IGSF8: variants seen among roughly 807,000 people sequenced by gnomAD.
The protein encoded by IGSF8 is immunoglobulin superfamily member 8.
Under a neutral mutation model 55.5 loss-of-function variants are expected in IGSF8, and 46 were observed. The ratio of observed to expected loss-of-function variants is 0.83; its 90% CI spans 0.65 to 1.06. The LOEUF (loss-of-function observed/expected upper bound fraction) is 1.06. Among genes scored for constraint, IGSF8 ranks in the 50% least tolerant of loss-of-function variants. The probability of loss-of-function intolerance (pLI) is 0.00; values close to 1 mark genes in which losing one functional copy is unlikely to be tolerated. For missense variants in IGSF8, 731 were observed against 832.3 expected, an observed-to-expected ratio of 0.88 and a Z score of 1.50; for synonymous variants, 314 against 356.1, an observed-to-expected ratio of 0.88 and a Z score of 1.33.
Position 160,094,261 on chromosome 1 carries a change from G to A in IGSF8, c.443-90C>T. The A allele has an allele frequency of 1.2e-6, 1 of 815,246 alleles. No individual in the cohort carries two copies. Among genetic ancestry groups the A allele is most frequent in the Non-Finnish European group, 1.9e-6 (1 of 528,660 alleles). 50.5% of individuals were successfully genotyped at this position (815,246 alleles called of 1,614,324 possible). On this transcript the variant is annotated intron_variant, in intron 2 of 6. Transcript: ENST00000314485. The surrounding 1 kb of genome is among the most constrained non-coding windows in gnomAD (Gnocchi z 4.0). ...TATAGCCTATCTCCCTAAATAAACT[G>A]TGAGCTCCCAGAGGGCAAAGATCGC...
Position 160,093,351 on chromosome 1 carries a change from A to C in IGSF8, c.905-20T>G. On this transcript the variant is annotated intron_variant, in intron 3 of 6. Transcript: ENST00000314485. ...GGCTGGCTGAAACACAGGTAGGGGA[A>C]GAGGTGTCATGGAGGCAGGAGGGGA... The C allele has an allele frequency of 6.4e-7, 1 of 1,564,358 alleles. No homozygotes were observed.
chr1:160,093,407 T>C, intron 3 of IGSF8, 76 bp from the exon 4 acceptor site: 1 of 1,435,546 alleles, frequency 7.0e-7, no homozygotes, highest in Non-Finnish European at 9.4e-7. Flanking sequence ...CAACTTCCTG[T>C]TTCCTACTTG....
intron 1 of IGSF8, chr1:160,097,975 G>A: frequency 1.0e-6 from 1 of 985,496 alleles, no homozygotes; most frequent in Non-Finnish European, 1.2e-6. Flanking sequence ...GGCAGAACTG[G>A]CCTCTGGGCC....
chr1:160,092,937 A>G lies in IGSF8; in HGVS notation c.1299T>C (p.His433=), dbSNP rs2295621. 335,934 of 1,598,220 alleles carry G rather than the reference A, an allele frequency of 0.21. 37,283 individuals carry two copies. Among genetic ancestry groups the G allele is most frequent in the Admixed American group, 0.27 (15,991 of 59,606 alleles). The change falls in exon 4 of 7, where the codon CAT becomes CAC. Residue 433 remains histidine (H), a synonymous_variant. Coordinates refer to ENST00000314485, the MANE Select transcript of IGSF8 (RefSeq NM_052868.6). ...GCCCCCTCTCACCTTCCTCCCGCAC[A>G]TGTACAGGGAGAGGCCGGGAACGGG... ...ASARSRPLPV[H]VREEGVVLEA...
rs747067655 is a variant in IGSF8, at chr1:160,092,326, C to G, written c.1682G>C (p.Gly561Ala). Residue 561 changes from glycine to alanine, a missense_variant, in exon 5 of 7, where the codon GGC becomes GCC. By Grantham distance (60) the Gly-to-Ala change is moderately conservative. Transcript: ENST00000314485. ...TGTAACAGGCCCTGAGCGGGCACTG[C>G]CCGCCTGGTACCAGCTGTAGTCGGC... ...QHADYSWYQAGSARSGPVTVY... is the reference protein window; with the variant it reads ...QHADYSWYQAASARSGPVTVY... 6.8e-6 allele frequency: 11 copies of G among 1,613,964 alleles called. No homozygotes were observed. The highest frequency in any genetic ancestry group is 1.7e-5 in the Admixed American group (1 of 60,000).
At chr1:160,098,644 CT>C, upstream of IGSF8, 2 of 557,278 alleles carry the variant, frequency 3.6e-6, no homozygotes, top group South Asian at 4.4e-5. Flanking sequence ...CCTCCCGCTG[CT>C]TTCCCTCCAG....
intron 6 of IGSF8, 34 bp downstream of exon 6, chr1:160,091,774 A>T: frequency 7.1e-7 from 1 of 1,408,344 alleles, no homozygotes; most frequent in African/African-American, 1.4e-5. Context: ...GGGAAGCCCA[A>T]TGAAAACAAG....
intron 1 of IGSF8, 78 bp from the exon 2 acceptor site, chr1:160,095,324 G>A: frequency 7.1e-7 from 1 of 1,401,552 alleles, no homozygotes; most frequent in Non-Finnish European, 9.6e-7. Flanking sequence ...CACCATTCTT[G>A]ATCTCTGCCT....
At chr1:160,093,366 G>A in intron 3 of IGSF8, 35 bp from the exon 4 acceptor site, 4 of 1,541,244 alleles carry the variant, frequency 2.6e-6, no homozygotes, top group Non-Finnish European at 3.5e-6. Flanking sequence ...TGTCATGGAG[G>A]CAGGAGGGGA....
rs1650296738 is a variant in IGSF8, at chr1:160,094,796, G to C, written c.442+73C>G. 4.0e-6 allele frequency: 6 copies of C among 1,500,102 alleles called. No homozygotes were observed. Among genetic ancestry groups the C allele is most frequent in the Non-Finnish European group, 5.4e-6 (6 of 1,106,024 alleles). 92.9% of individuals were successfully genotyped at this position (1,500,102 alleles called of 1,614,324 possible). A position where few individuals can be genotyped will look rare whatever the true frequency, so the allele number is the denominator to read the frequency against. Reference sequence around the variant, plus strand: ...GGCTACAAAACCTAAGGGGCAACTAGATAGGTCACTTGTGGCCTTGACTTT... The same window carrying C: ...GGCTACAAAACCTAAGGGGCAACTACATAGGTCACTTGTGGCCTTGACTTT... On this transcript the variant is annotated intron_variant, in intron 2 of 6. Coordinates refer to ENST00000314485, the MANE Select transcript of IGSF8 (RefSeq NM_052868.6). This position sits in a 1 kb window ranked among gnomAD's most constrained non-coding sequence, Gnocchi z 4.0.
chr1:160,091,541 G>A lies in IGSF8; in HGVS notation c.*83C>T, dbSNP rs185635207. On this transcript the variant is annotated 3_prime_UTR_variant, in exon 7 of 7. Transcript: ENST00000314485. ...AAATTAAAGGAAGAGTGGACAGAGG[G>A]AGAGGGTGTCCAGGCAACCAGAGGA... The A allele has an allele frequency of 4.5e-6, 2 of 441,508 alleles. No homozygotes were observed. Among genetic ancestry groups the A allele is most frequent in the Non-Finnish European group, 8.3e-6 (2 of 239,700 alleles). The allele number at this position is 441,508 out of a possible 1,614,324, so 27.3% of individuals were successfully genotyped here. A position where few individuals can be genotyped will look rare whatever the true frequency, so the allele number is the denominator to read the frequency against.
rs770093705 is a variant in IGSF8 at position 160,093,096 on chromosome 1, G to A, written c.1140C>T (p.Ala380=). ...LGPGYEGRHI[A]MEKVASRTYR... is the part of the protein sequence containing the mutation. ...ATGTTCTGGATGCCACCTTCTCCAT[G>A]GCAATGTGTCGGCCCTCATAGCCAG... is the stretch of plus-strand genomic sequence containing the variant. Residue 380 remains alanine (A), a synonymous_variant, in exon 4 of 7, where the codon GCC becomes GCT. Transcript: ENST00000314485. The A allele has an allele frequency of 6.2e-7, 1 of 1,614,050 alleles. No homozygotes were observed. Among genetic ancestry groups the A allele is most frequent in the South Asian group, 1.1e-5 (1 of 91,076 alleles).
rs1557985610 is a variant in IGSF8, at chr1:160,092,619, G to C, written c.1389C>G (p.Asn463Lys). ...YRGETASLLCNISVRGGPPGL... is the reference protein window; with the variant it reads ...YRGETASLLCKISVRGGPPGL... Reference sequence around the variant, plus strand: ...CTGGGGGGCCACCCCGCACAGAGATGTTGCACAGCAGGGAGGCAGTCTCCC... The same window carrying C: ...CTGGGGGGCCACCCCGCACAGAGATCTTGCACAGCAGGGAGGCAGTCTCCC... Residue 463 changes from asparagine to lysine, a missense_variant, in exon 5 of 7, where the codon AAC (asparagine) becomes AAG (lysine). By Grantham distance (94) the Asn-to-Lys change is moderately conservative. Coordinates refer to ENST00000314485, the MANE Select transcript of IGSF8 (RefSeq NM_052868.6). The C allele has an allele frequency of 1.2e-6, 2 of 1,605,674 alleles. No individual in the cohort carries two copies. Among genetic ancestry groups the C allele is most frequent in the Non-Finnish European group, 1.7e-6 (2 of 1,179,950 alleles).
rs891409503 is a variant in IGSF8, at chr1:160,093,009, T to G, written c.1227A>C (p.Lys409Asn). Residue 409 changes from lysine (K) to asparagine (N), a missense_variant, in exon 4 of 7, where the codon AAA (lysine) becomes AAC (asparagine). Lys to Asn is a moderately conservative substitution (Grantham distance 94). Transcript: ENST00000314485. ...GDAGTYRCLAKAYVRGSGTRL... is the reference protein window; with the variant it reads ...GDAGTYRCLANAYVRGSGTRL... ...GGGTCCCAGACCCTCGAACATAGGC[T>G]TTGGCGAGGCAGCGGTAGGTGCCCG... The G allele has an allele frequency of 1.1e-5, 18 of 1,613,980 alleles. No individual in the cohort carries two copies. The highest frequency in any genetic ancestry group is 1.5e-5 in the Non-Finnish European group (18 of 1,179,966).
rs760015009 is a variant in IGSF8, at chr1:160,092,572, C to T, written c.1436G>A (p.Trp479Ter). The T allele has an allele frequency of 6.2e-7, 1 of 1,609,930 alleles. No homozygotes were observed. The highest frequency in any genetic ancestry group is 1.1e-5 in the South Asian group (1 of 91,048). The change falls in exon 5 of 7, where the codon TGG (tryptophan) becomes TAG (stop). Residue 479 changes from tryptophan to a stop codon, truncating the protein, a stop_gained. Transcript: ENST00000314485. LOFTEE classifies it high-confidence loss of function. ...TCCGTCCTCTGGTCGCTCCACCCAC[C>T]AGCTGGCGGCCAGCCGCAGTCCTGG... The part of the protein sequence containing the change: ...GPPGLRLAAS[W>*]WVERPEDGEL...
At chr1:160,098,667 T>C, upstream of IGSF8, 1 of 534,562 alleles carries the variant, frequency 1.9e-6, no homozygotes, top group Non-Finnish European at 3.3e-6. Flanking sequence ...CCTCGGCAGT[T>C]CTGAAACCAT....
rs760595678 is a variant in IGSF8 at position 160,093,041 on chromosome 1, C to A, written c.1195G>T (p.Gly399Cys). The part of the protein sequence containing the change: ...YRLRLEAARP[G>C]DAGTYRCLAK... ...AGGCAGCGGTAGGTGCCCGCATCAC[C>A]AGGCCTGGCAGCCTCTAGCCGTAGC... Residue 399 changes from glycine (G) to cysteine (C), a missense_variant, in exon 4 of 7, where the codon GGT becomes TGT. Physicochemically the swap from Gly to Cys is radical, Grantham distance 159 (BLOSUM62 -3). Transcript: ENST00000314485. The A allele has an allele frequency of 5.0e-6, 8 of 1,614,122 alleles. No individual in the cohort carries two copies. Among genetic ancestry groups the A allele is most frequent in the Non-Finnish European group, 5.9e-6 (7 of 1,179,998 alleles).
chr1:160,098,692 G>T, upstream of IGSF8: 1 of 372,592 alleles, frequency 2.7e-6, no homozygotes, highest in South Asian at 3.1e-5. Context: ...GCCCCGGCCC[G>T]CCCCGGCACC....
upstream of IGSF8, chr1:160,098,683 C>A: frequency 1.9e-6 from 1 of 513,788 alleles, no homozygotes; most frequent in Non-Finnish European, 3.4e-6. Flanking sequence ...ACCATTCTCG[C>A]CCCGGCCCGC....
Sources: gnomAD v4.1 joint callset for allele counts on GRCh38, gnomAD v4.1.1 for gene constraint, Gnocchi (gnomAD v3.1) non-coding constraint, MANE v1.5 for transcripts, NCBI Gene and HGNC (gene_info 2026-07-23, HGNC 2026-07-21) for gene names.